NTM: variants seen among roughly 807,000 people sequenced by gnomAD.
The protein encoded by NTM is IgLON family member 2.
In NTM, 13 loss-of-function variants were observed where a neutral mutation model predicts 42.1. The observed-to-expected ratio is 0.31, with a 90% CI of 0.20 to 0.49. The LOEUF is 0.49. NTM is among the 20% of genes least tolerant of loss of function. NTM has a pLI of 0.99. For synonymous variants in NTM, 187 were observed against 179.2 expected, an observed-to-expected ratio of 1.04 and a Z score of -0.35; for missense variants, 373 against 452.8, an observed-to-expected ratio of 0.82 and a Z score of 1.60.
At chr11:132,211,771 C>G (rs1223223766) in intron 3 of NTM, 1 of 324,234 alleles carries the variant, frequency 3.1e-6, no homozygotes, top group Admixed American at 4.8e-5. Flanking sequence ...GCTAGGAGAA[C>G]AGCTATTCCA....
chr11:132,332,984 AC>A (rs910179599), intron 8 of NTM, among the ~76,000 whole-genome samples: 8 of 152,126 alleles, frequency 5.3e-5, no homozygotes, highest in African/African-American at 9.7e-5. Context: ...CGGGAATTGA[AC>A]AGGAAATGGG....
chr11:131,803,929 G>A (rs1357414715), intron 1 of NTM, among the ~76,000 whole-genome samples: 1 of 152,118 alleles, frequency 6.6e-6, no homozygotes, highest in African/African-American at 2.4e-5. Flanking sequence ...TATCACCTCT[G>A]TGGGAATGAT....
chr11:131,616,281 C>A (rs1466299796), intron 1 of NTM, among the ~76,000 whole-genome samples: 1 of 152,212 alleles, frequency 6.6e-6, no homozygotes, highest in Non-Finnish European at 1.5e-5. Flanking sequence ...TCACCCAAGA[C>A]AACCTGCTCA....
chr11:131,942,009 C>G (rs2059842904), intron 2 of NTM, among the ~76,000 whole-genome samples: 1 of 152,116 alleles, frequency 6.6e-6, no homozygotes, highest in Non-Finnish European at 1.5e-5. Flanking sequence ...CTCCTCCCTT[C>G]TGGAGATATT....
At chr11:132,023,513 C>A (rs2074667243) in intron 2 of NTM, among the ~76,000 whole-genome samples, 1 of 152,094 alleles carries the variant, frequency 6.6e-6, no homozygotes, top group African/African-American at 2.4e-5. Context: ...GGGTGGGCAG[C>A]CAGAGTGGCT....
intron 2 of NTM, among the ~76,000 whole-genome samples, chr11:131,963,069 C>A: frequency 6.6e-6 from 1 of 152,314 alleles, no homozygotes; most frequent in African/African-American, 2.4e-5. Context: ...TTGTCAGCAT[C>A]CCATTCTCAT....
chr11:132,045,249 C>T (rs1056658688), intron 2 of NTM, among the ~76,000 whole-genome samples: 1 of 151,992 alleles, frequency 6.6e-6, no homozygotes, highest in Non-Finnish European at 1.5e-5. Context: ...TAAGTGCTGG[C>T]AGTTCTGGGA....
rs188564150 is a variant in NTM, at chr11:132,207,647, C to T, written c.401-4375C>T. On this transcript the variant is annotated intron_variant, in intron 3 of 8. Transcript: ENST00000683400. ...GCCAACAAGGTTGGGGACTACTCCTCTAAAGTAGACTTCTTCCATTAACAG... is the reference window on the plus strand; with the variant it reads ...GCCAACAAGGTTGGGGACTACTCCTTTAAAGTAGACTTCTTCCATTAACAG... 3.3e-5 allele frequency among the ~76,000 whole-genome samples: 5 copies of T among 152,310 alleles called. No homozygotes were observed. The East Asian group carries it at 7.7e-4, about 24-fold the overall frequency.
chr11:131,789,620 AAG>A (rs1314341212), intron 1 of NTM, among the ~76,000 whole-genome samples: 1 of 86,646 alleles, frequency 1.2e-5, no homozygotes, highest in Non-Finnish European at 2.3e-5. Context: ...GAAGAAGAAG[AAG>A]AAGAAGAAGA....
chr11:132,006,066 G>A (rs1441007051), intron 2 of NTM, among the ~76,000 whole-genome samples: 8 of 152,104 alleles, frequency 5.3e-5, no homozygotes, highest in Admixed American at 4.6e-4. Context: ...CCCCTCATCT[G>A]ATTAGGCATG....
intron 4 of NTM, among the ~76,000 whole-genome samples, chr11:132,226,731 C>T (rs527537543): frequency 1.3e-5 from 2 of 152,220 alleles, no homozygotes; most frequent in East Asian, 3.9e-4. Flanking sequence ...GAATTGATGA[C>T]GTCATGGACT....
At chr11:132,317,647 CGATTTA>C in intron 7 of NTM, 1 of 1,302,190 alleles carries the variant, frequency 7.7e-7, no homozygotes, top group Non-Finnish European at 1.0e-6. Flanking sequence ...GTCCCTCAAC[CGATTTA>C]GAACTAAATG....
At chr11:131,415,316 C>G (rs987067632) in intron 1 of NTM, among the ~76,000 whole-genome samples, 2 of 152,138 alleles carry the variant, frequency 1.3e-5, no homozygotes, top group Non-Finnish European at 2.9e-5. Context: ...GCCTGGTGTG[C>G]CACAGCTCTT....
At chr11:131,695,213 TAAG>T (rs1270492838) in intron 1 of NTM, among the ~76,000 whole-genome samples, 2 of 136,340 alleles carry the variant, frequency 1.5e-5, no homozygotes, top group East Asian at 4.9e-4. Flanking sequence ...TGGGTTTGTA[TAAG>T]AATTCAGAGT....
intron 1 of NTM, among the ~76,000 whole-genome samples, chr11:131,493,288 A>G (rs1591821929): frequency 6.6e-6 from 1 of 152,122 alleles, no homozygotes; most frequent in East Asian, 1.9e-4. Flanking sequence ...AATGACTTAA[A>G]AGACAATTAT....
chr11:131,611,770 T>C (rs1007016079), intron 1 of NTM, among the ~76,000 whole-genome samples: 1 of 152,174 alleles, frequency 6.6e-6, no homozygotes, highest in Non-Finnish European at 1.5e-5. Flanking sequence ...ATGTAATGTG[T>C]GAAACATGTC....
intron 4 of NTM, among the ~76,000 whole-genome samples, chr11:132,270,011 T>C (rs3099776): frequency 0.32 from 48,755 of 152,068 alleles, 8,228 homozygotes; most frequent in Middle Eastern, 0.5. Context: ...CATTCCTTCA[T>C]GTCTCTTTAC....
At chr11:132,105,621 C>T (rs1446081030) in intron 2 of NTM, among the ~76,000 whole-genome samples, 1 of 152,108 alleles carries the variant, frequency 6.6e-6, no homozygotes, top group African/African-American at 2.4e-5. Flanking sequence ...TTTCCAGGGT[C>T]AGTATGAGAC....
intron 3 of NTM, among the ~76,000 whole-genome samples, chr11:132,174,942 A>T (rs75675620): frequency 0.02 from 3,061 of 152,080 alleles, 83 homozygotes; most frequent in African/African-American, 0.065. Flanking sequence ...TTCTGGACGA[A>T]TATTTCTGGG....
Sources: allele counts gnomAD v4.1 joint callset (sites outside exome capture counted in the v4.1 genomes callset), GRCh38; gene constraint gnomAD v4.1.1; transcripts MANE v1.5; gene names NCBI Gene and HGNC (gene_info 2026-07-23, HGNC 2026-07-21).